Variants in PCDH15 observed in about 807,000 individuals in gnomAD.
The protein encoded by PCDH15 is protocadherin-15.
A neutral mutation model predicts 178.5 loss-of-function variants in PCDH15; 129 were observed. The ratio of observed to expected loss-of-function variants is 0.72; its 90% CI spans 0.63 to 0.84. PCDH15 has a LOEUF of 0.84. Ranked by LOEUF, PCDH15 falls within the 40% of genes least tolerant of loss-of-function variation. PCDH15 has a pLI of 0.00. For synonymous variants in PCDH15, 800 were observed against 732.0 expected, an observed-to-expected ratio of 1.09 and a Z score of -1.50; for missense variants, 2,230 against 2,099.9, an observed-to-expected ratio of 1.06 and a Z score of -1.21.
chr10:55,332,538 T>C (rs917246399), intron 2 of PCDH15, among the ~76,000 whole-genome samples: 1 of 152,178 alleles, frequency 6.6e-6, no homozygotes, highest in Non-Finnish European at 1.5e-5. Context: ...TTATTGATCA[T>C]AAAACTAATC....
chr10:54,765,485 T>C (rs552739111), intron 1 of PCDH15, among the ~76,000 whole-genome samples: 1 of 152,228 alleles, frequency 6.6e-6, no homozygotes, highest in African/African-American at 2.4e-5. Flanking sequence ...GCAAAAACTT[T>C]TGTCTTTTAT....
intron 2 of PCDH15, among the ~76,000 whole-genome samples, chr10:55,153,809 A>G (rs1289552585): frequency 6.6e-6 from 1 of 152,218 alleles, no homozygotes; most frequent in African/African-American, 2.4e-5. Context: ...TGACCTTGCC[A>G]CTTTAGAGCC....
intron 1 of PCDH15, among the ~76,000 whole-genome samples, chr10:54,704,210 G>T (rs957123108): frequency 2.0e-5 from 3 of 151,926 alleles, no homozygotes; most frequent in African/African-American, 4.8e-5. Flanking sequence ...CAATGAAGAT[G>T]CCAAAAGCAA....
At chr10:54,076,796 A>G (rs2094349882) in intron 17 of PCDH15, among the ~76,000 whole-genome samples, 1 of 152,044 alleles carries the variant, frequency 6.6e-6, no homozygotes, top group Non-Finnish European at 1.5e-5. Flanking sequence ...CCATTTTGAG[A>G]TGGTAGAAAA....
At chr10:55,466,506 C>G (rs990858458) in intron 2 of PCDH15, among the ~76,000 whole-genome samples, 2 of 152,094 alleles carry the variant, frequency 1.3e-5, no homozygotes, top group Non-Finnish European at 2.9e-5. Context: ...TTTATAAAAA[C>G]ATATGAAGTG....
At chr10:54,865,297 G>A (rs946427048) in intron 3 of PCDH15, among the ~76,000 whole-genome samples, 5 of 152,168 alleles carry the variant, frequency 3.3e-5, no homozygotes, top group Non-Finnish European at 7.3e-5. Context: ...TCTTGTGCTG[G>A]ATGCTGGTTA....
At chr10:55,504,567 T>C (rs972805778) in intron 2 of PCDH15, among the ~76,000 whole-genome samples, 2 of 151,394 alleles carry the variant, frequency 1.3e-5, no homozygotes, top group African/African-American at 4.8e-5. Flanking sequence ...TTTCTAAGCT[T>C]CATTTCTCAT....
chr10:55,194,430 T>G (rs1840027441), intron 1 of PCDH15, among the ~76,000 whole-genome samples: 1 of 152,042 alleles, frequency 6.6e-6, no homozygotes. Flanking sequence ...ACCATTTCAA[T>G]TTTTTAGAGA....
chr10:55,450,955 C>CTATATATATATATATATATA lies in PCDH15; in HGVS notation c.-156+176650_-156+176669dup, dbSNP rs56986885. 1.9e-3 allele frequency among the ~76,000 whole-genome samples: 230 copies of CTATATATATATATATATATA among 122,278 alleles called. 6 individuals are homozygous for CTATATATATATATATATATA. Among genetic ancestry groups the CTATATATATATATATATATA allele is most frequent in the African/African-American group, 5.9e-3 (174 of 29,536 alleles). 80.2% of individuals were successfully genotyped at this position (122,278 alleles called of 152,430 possible). On this transcript the variant is annotated intron_variant, in intron 2 of 5. Coordinates refer to the PCDH15 transcript ENST00000613346. ...AGATACATGGAAGAAGGGGTAAGAA[C>CTATATATATATATATATATA]TATATATATATATATATATATATAT...
intron 18 of PCDH15, among the ~76,000 whole-genome samples, chr10:54,062,255 A>AAAAAAAAAAAAAAAAG (rs2094042442): frequency 9.0e-6 from 1 of 111,324 alleles, no homozygotes; most frequent in African/African-American, 3.0e-5. Context: ...AAAAAAAACA[A>AAAAAAAAAAAAAAAAG]AAAACAACTA....
intron 2 of PCDH15, among the ~76,000 whole-genome samples, chr10:55,001,058 C>A (rs1839784404): frequency 6.6e-6 from 1 of 152,016 alleles, no homozygotes; most frequent in Non-Finnish European, 1.5e-5. Context: ...ACCCACTATG[C>A]AACTTCTCCT....
At chr10:53,809,467 T>C (rs1167044390) in intron 37 of PCDH15, 3 of 1,613,980 alleles carry the variant, frequency 1.9e-6, no homozygotes, top group South Asian at 2.2e-5. Context: ...TGGTGGTTTT[T>C]CGATAGTTAC....
chr10:53,817,890 A>T, intron 34 of PCDH15, 105 bp downstream of exon 34: 1 of 397,448 alleles, frequency 2.5e-6, no homozygotes, highest in African/African-American at 2.1e-5. Flanking sequence ...TTTTGCTGAA[A>T]TCAAAGAAAA....
At chr10:55,245,278 C>G (rs1490460985) in intron 1 of PCDH15, among the ~76,000 whole-genome samples, 4 of 151,964 alleles carry the variant, frequency 2.6e-5, no homozygotes, top group Non-Finnish European at 4.4e-5. Flanking sequence ...GAAACAAGAT[C>G]CTCAACAGAA....
At chr10:54,760,651 T>G (rs984249797) in intron 1 of PCDH15, among the ~76,000 whole-genome samples, 3 of 152,300 alleles carry the variant, frequency 2.0e-5, no homozygotes, top group Admixed American at 6.5e-5. Context: ...CAATGATCCA[T>G]CCTTTGTGTT....
chr10:54,424,840 C>A (rs1356195467), intron 3 of PCDH15, among the ~76,000 whole-genome samples: 1 of 130,054 alleles, frequency 7.7e-6, no homozygotes, highest in Non-Finnish European at 1.5e-5. Context: ...AGGGGAACAT[C>A]ACACACTGGG....
At chr10:54,334,011 G>A (rs1018003981) in intron 6 of PCDH15, among the ~76,000 whole-genome samples, 3 of 152,238 alleles carry the variant, frequency 2.0e-5, no homozygotes, top group Non-Finnish European at 2.9e-5. Flanking sequence ...TCTGATAGTC[G>A]TGGATATTCT....
At position 54,329,737 on chromosome 10, in the gene PCDH15, T is replaced by C. The variant is rs757677443; in HGVS notation, c.595-31A>G. 75 of 1,333,348 alleles carry C rather than the reference T, an allele frequency of 5.6e-5. 2 individuals carry two copies. In the South Asian group the frequency reaches 8.1e-4, roughly 14 times the overall value. The allele number at this position is 1,333,348 out of a possible 1,614,324, so 82.6% of individuals were successfully genotyped here. On this transcript the variant is annotated intron_variant, in intron 6 of 37. Transcript: ENST00000644397. The stretch of plus-strand genomic sequence containing the variant: ...AATATTAAAGATACAGACTTCAGAT[T>C]ATTTGAATGTAAGATGAATTAATAA...
At chr10:54,221,901 C>A (rs1193414374) in intron 9 of PCDH15, among the ~76,000 whole-genome samples, 1 of 152,160 alleles carries the variant, frequency 6.6e-6, no homozygotes, top group African/African-American at 2.4e-5. Context: ...CCCTGCCTGG[C>A]CTTACAGTAT....
Sources: allele counts gnomAD v4.1 joint callset (sites outside exome capture counted in the v4.1 genomes callset), GRCh38; gene constraint gnomAD v4.1.1; transcripts MANE v1.5; gene names NCBI Gene and HGNC (gene_info 2026-07-23, HGNC 2026-07-21).